Variants in CNTN4 observed in about 807,000 individuals in gnomAD.
CNTN4 encodes contactin-4.
CNTN4 carries 77 observed loss-of-function variants against 122.5 expected under a neutral mutation model. That is an observed-to-expected ratio of 0.63 (90% CI 0.52 to 0.76). The LOEUF is 0.76. Ranked by LOEUF, CNTN4 falls within the 30% of genes least tolerant of loss-of-function variation. The pLI is 0.00. For missense variants in CNTN4, 1,256 were observed against 1,259.1 expected, an observed-to-expected ratio of 1.00 and a Z score of 0.04; for synonymous variants, 512 against 447.0, an observed-to-expected ratio of 1.15 and a Z score of -1.83.
chr3:2,982,004 C>A (rs1694070617), intron 13 of CNTN4, among the ~76,000 whole-genome samples: 1 of 152,184 alleles, frequency 6.6e-6, no homozygotes, highest in South Asian at 2.1e-4. Flanking sequence ...TACCACTGCA[C>A]TCCAGCCTGG....
intron 2 of CNTN4, among the ~76,000 whole-genome samples, chr3:2,209,497 A>C (rs1279664333): frequency 6.6e-6 from 1 of 152,114 alleles, no homozygotes; most frequent in African/African-American, 2.4e-5. Flanking sequence ...CTACGTGTAT[A>C]ATGGTAACAC....
intron 13 of CNTN4, among the ~76,000 whole-genome samples, chr3:2,926,336 A>G (rs75769135): frequency 0.11 from 16,179 of 152,046 alleles, 946 homozygotes; most frequent in Middle Eastern, 0.15. Flanking sequence ...TAATATCTAA[A>G]CTCTTCATCT....
rs116890045 is a variant in CNTN4, at chr3:2,483,266, G to A, written c.-88-88150G>A. 1.0e-3 allele frequency among the ~76,000 whole-genome samples: 159 copies of A among 152,232 alleles called. 2 individuals carry two copies. The East Asian group carries it at 0.028, about 27-fold the overall frequency. ...TTAGACTTGCCTGGGGCCTGCAGCC[G>A]CTTTGTTTTGGCCAATGTCTTCCAT... On this transcript the variant is annotated intron_variant, in intron 3 of 24. Transcript: ENST00000418658.
chr3:2,897,333 CT>C (rs2094126164), intron 10 of CNTN4, among the ~76,000 whole-genome samples: 1 of 151,790 alleles, frequency 6.6e-6, no homozygotes, highest in African/African-American at 2.4e-5. Context: ...TAGAAGAATT[CT>C]TTTGTTTCAA....
intron 4 of CNTN4, among the ~76,000 whole-genome samples, chr3:2,695,969 C>T (rs1309435759): frequency 6.6e-6 from 1 of 152,068 alleles, no homozygotes; most frequent in African/African-American, 2.4e-5. Flanking sequence ...GAAGTATTAG[C>T]TCGAGAATGG....
At chr3:2,595,318 G>A (rs1473403922) in intron 4 of CNTN4, among the ~76,000 whole-genome samples, 1 of 152,184 alleles carries the variant, frequency 6.6e-6, no homozygotes, top group Non-Finnish European at 1.5e-5. Flanking sequence ...GATCCCATCT[G>A]AGTCTGCATG....
chr3:2,468,276 G>A (rs62233829), intron 3 of CNTN4, among the ~76,000 whole-genome samples: 17,827 of 152,126 alleles, frequency 0.12, 1,357 homozygotes, highest in Middle Eastern at 0.21. Context: ...GGGTGTTCAT[G>A]GAGGATTTTC....
At chr3:2,884,605 T>C (rs2093948842) in intron 9 of CNTN4, among the ~76,000 whole-genome samples, 1 of 152,206 alleles carries the variant, frequency 6.6e-6, no homozygotes, top group South Asian at 2.1e-4. Context: ...ATAATATGAT[T>C]ACACTTTTTA....
chr3:2,771,939 T>G (rs953676627), intron 6 of CNTN4, among the ~76,000 whole-genome samples: 4 of 152,110 alleles, frequency 2.6e-5, no homozygotes, highest in African/African-American at 9.7e-5. Flanking sequence ...GCAGGGTGTT[T>G]CATGCGACAA....
At chr3:2,449,322 C>T (rs2048737800) in intron 3 of CNTN4, among the ~76,000 whole-genome samples, 1 of 152,026 alleles carries the variant, frequency 6.6e-6, no homozygotes. Flanking sequence ...CTTAAGAATG[C>T]AGACAGATAG....
intron 7 of CNTN4, among the ~76,000 whole-genome samples, chr3:2,822,184 T>C (rs963933541): frequency 1.3e-5 from 2 of 152,188 alleles, no homozygotes; most frequent in Admixed American, 6.5e-5. Flanking sequence ...TCTTCAGGAT[T>C]TCATTTTCCT....
intron 6 of CNTN4, among the ~76,000 whole-genome samples, chr3:2,795,339 C>G (rs930233411): frequency 3.9e-5 from 6 of 152,138 alleles, no homozygotes; most frequent in Non-Finnish European, 8.8e-5. Context: ...CCCCTCTCTT[C>G]TCTCCAAAAA....
At chr3:2,630,325 A>G (rs924063025) in intron 4 of CNTN4, among the ~76,000 whole-genome samples, 4 of 152,062 alleles carry the variant, frequency 2.6e-5, no homozygotes, top group African/African-American at 9.7e-5. Context: ...TGTAGTCCCA[A>G]CTACTCGGGA....
intron 6 of CNTN4, among the ~76,000 whole-genome samples, chr3:2,806,741 G>A (rs1401440735): frequency 2.0e-5 from 3 of 152,158 alleles, no homozygotes; most frequent in Non-Finnish European, 4.4e-5. Context: ...AAATAAGAAA[G>A]TACCAAACTA....
intron 2 of CNTN4, among the ~76,000 whole-genome samples, chr3:2,194,192 G>T (rs1305790888): frequency 6.6e-6 from 1 of 152,148 alleles, no homozygotes; most frequent in Non-Finnish European, 1.5e-5. Flanking sequence ...GGCCAGGCAT[G>T]GTGGTTCATG....
chr3:2,705,663 ATATT>A (rs1289791757), intron 4 of CNTN4, among the ~76,000 whole-genome samples: 1 of 92,748 alleles, frequency 1.1e-5, no homozygotes, highest in Admixed American at 1.9e-4. Flanking sequence ...TATATTATAT[ATATT>A]TATATATTGT....
intron 2 of CNTN4, among the ~76,000 whole-genome samples, chr3:2,219,468 G>T (rs889707782): frequency 6.6e-6 from 1 of 152,068 alleles, no homozygotes; most frequent in Non-Finnish European, 1.5e-5. Context: ...TTTGTGTTAC[G>T]TTGGATTTTT....
At chr3:3,031,042 C>G in intron 16 of CNTN4, 67 bp downstream of exon 16, 1 of 1,596,328 alleles carries the variant, frequency 6.3e-7, no homozygotes, top group South Asian at 1.1e-5. Flanking sequence ...GCGCAGAGTT[C>G]CAGAAACCTC....
chr3:2,475,630 C>A (rs2075815125), intron 3 of CNTN4, among the ~76,000 whole-genome samples: 1 of 152,024 alleles, frequency 6.6e-6, no homozygotes, highest in Admixed American at 6.6e-5. Context: ...TTTATTGATG[C>A]TTATTTTTGT....
Sources: gnomAD v4.1 joint callset for allele counts (sites outside exome capture counted in the v4.1 genomes callset) on GRCh38, gnomAD v4.1.1 for gene constraint, MANE v1.5 for transcripts, NCBI Gene and HGNC (gene_info 2026-07-23, HGNC 2026-07-21) for gene names.